KLHL1: variants seen among roughly 807,000 people sequenced by gnomAD.
KLHL1 encodes kelch-like protein 1.
KLHL1 carries 47 observed loss-of-function variants against 77.7 expected under a neutral mutation model. That is an observed-to-expected ratio of 0.60 (90% CI 0.48 to 0.77). The LOEUF (loss-of-function observed/expected upper bound fraction) is 0.77. Ranked by LOEUF, KLHL1 falls within the 30% of genes least tolerant of loss-of-function variation. The probability of loss-of-function intolerance (pLI) is 0.00; values close to 1 mark genes in which losing one functional copy is unlikely to be tolerated. For synonymous variants in KLHL1, 360 were observed against 325.2 expected, an observed-to-expected ratio of 1.11 and a Z score of -1.15; for missense variants, 925 against 910.8, an observed-to-expected ratio of 1.02 and a Z score of -0.20.
At chr13:69,882,545 C>G (rs748036963) in intron 4 of KLHL1, 50 bp from the exon 5 acceptor site, 2 of 1,275,198 alleles carry the variant, frequency 1.6e-6, no homozygotes, top group Admixed American at 3.6e-5. Context: ...TTTTATTTAG[C>G]TAGTAAAGCA....
At chr13:69,908,872 G>T (rs1427549318) in intron 4 of KLHL1, among the ~76,000 whole-genome samples, 2 of 150,528 alleles carry the variant, frequency 1.3e-5, no homozygotes, top group Non-Finnish European at 3.0e-5. Context: ...AGTGTTAAAA[G>T]AGTGTTTTTC....
At chr13:69,840,698 A>ATATATGTATG (rs976775077) in intron 5 of KLHL1, among the ~76,000 whole-genome samples, 1,605 of 146,316 alleles carry the variant, frequency 0.011, 37 homozygotes, top group African/African-American at 0.035. Flanking sequence ...ATATATATAT[A>ATATATGTATG]TATGTATGTA....
At chr13:69,947,975 T>A (rs1883582810) in intron 3 of KLHL1, among the ~76,000 whole-genome samples, 1 of 152,140 alleles carries the variant, frequency 6.6e-6, no homozygotes, top group African/African-American at 2.4e-5. Flanking sequence ...AGGGAAAACC[T>A]ACATGTTTTT....
chr13:69,797,538 C>A (rs1650158500), intron 6 of KLHL1, among the ~76,000 whole-genome samples: 1 of 151,688 alleles, frequency 6.6e-6, no homozygotes, highest in South Asian at 2.1e-4. Context: ...GAGCTTAGGC[C>A]AGGCGCAATG....
Position 69,917,786 on chromosome 13 carries a change from C to T in KLHL1, c.1014+22254G>A, listed in dbSNP as rs17085645. On this transcript the variant is annotated intron_variant, in intron 4 of 10. Coordinates refer to ENST00000377844, the MANE Select transcript of KLHL1 (RefSeq NM_020866.3). ...AATTTTGGTATCACATAACATTCCACGTATCTTTTGAAGTCAGTAAATTCT... is the reference window on the plus strand; with the variant it reads ...AATTTTGGTATCACATAACATTCCATGTATCTTTTGAAGTCAGTAAATTCT... 6.8e-3 allele frequency among the ~76,000 whole-genome samples: 1,039 copies of T among 152,120 alleles called. 16 individuals carry two copies. Among genetic ancestry groups the T allele is most frequent in the African/African-American group, 0.023 (973 of 41,516 alleles).
At chr13:69,730,768 T>A (rs1873508201) in intron 8 of KLHL1, among the ~76,000 whole-genome samples, 1 of 152,136 alleles carries the variant, frequency 6.6e-6, no homozygotes, top group African/African-American at 2.4e-5. Context: ...TTTGTAGAGA[T>A]GGGGTCTCAC....
chr13:70,047,761 T>C (rs1287670783), intron 1 of KLHL1, among the ~76,000 whole-genome samples: 4 of 152,206 alleles, frequency 2.6e-5, no homozygotes. Context: ...CCTCCTTCCT[T>C]GCGTGTTTGC....
In KLHL1 at chr13:69,904,532, C is replaced by A. The variant is rs75966962; in HGVS notation, c.1015-22037G>T. On this transcript the variant is annotated intron_variant, in intron 4 of 10. Coordinates refer to ENST00000377844, the MANE Select transcript of KLHL1 (RefSeq NM_020866.3). ...TCTTTATGCATCTTATTCCCATTAGCCCTGGTACTATATAAAGATACAACT... is the reference window on the plus strand; with the variant it reads ...TCTTTATGCATCTTATTCCCATTAGACCTGGTACTATATAAAGATACAACT... Among the ~76,000 whole-genome samples the A allele has an allele frequency of 5.3e-5, 8 of 152,178 alleles. No individual in the cohort carries two copies. The East Asian group carries it at 1.5e-3, about 29-fold the overall frequency.
intron 7 of KLHL1, among the ~76,000 whole-genome samples, chr13:69,762,582 C>T (rs1875080665): frequency 1.3e-5 from 2 of 150,906 alleles, no homozygotes; most frequent in African/African-American, 4.9e-5. Context: ...ATCTTAGGCT[C>T]ATAATCTCAC....
intron 1 of KLHL1, among the ~76,000 whole-genome samples, chr13:70,042,468 T>G (rs746277491): frequency 6.6e-6 from 1 of 152,114 alleles, no homozygotes; most frequent in African/African-American, 2.4e-5. Context: ...CTCATAAGAT[T>G]ATAATGGAGC....
At chr13:69,846,857 A>G (rs1879482599) in intron 5 of KLHL1, among the ~76,000 whole-genome samples, 1 of 23,682 alleles carries the variant, frequency 4.2e-5, no homozygotes, top group Admixed American at 4.9e-4. Flanking sequence ...GTTTGTAATA[A>G]TACATAAATT....
In KLHL1 at chr13:69,796,896, C is replaced by G; in HGVS notation, c.1481G>C (p.Gly494Ala). The change falls in exon 7 of 11, where the codon GGC (glycine) becomes GCC (alanine). Residue 494 changes from glycine to alanine, a missense_variant. Coordinates refer to ENST00000377844, the MANE Select transcript of KLHL1 (RefSeq NM_020866.3). ...NLWIQAGMMN[G>A]RRLQFGVAVI... ...AGCCACACCAAACTGCAGCCTTCTG[C>G]CATTCATCATCCCTGCCTGGATCCA... The G allele has an allele frequency of 6.2e-7, 1 of 1,614,124 alleles. No homozygotes were observed. The highest frequency in any genetic ancestry group is 8.5e-7 in the Non-Finnish European group (1 of 1,180,006).
At position 69,831,005 on chromosome 13, in the gene KLHL1, CACAA is replaced by C. The variant is rs1293446522; in HGVS notation, c.1414+7967_1414+7970del. 8.1e-5 allele frequency among the ~76,000 whole-genome samples: 12 copies of C among 148,450 alleles called. 2 individuals are homozygous for C. Among genetic ancestry groups the C allele is most frequent in the African/African-American group, 3.0e-4 (12 of 39,408 alleles). Reference sequence around the variant, plus strand: ...TGCCTACATCAAAAAGTCTAAAGAGCACAAACAGACAATCAAAGATCACACTTCA... The same window carrying C: ...TGCCTACATCAAAAAGTCTAAAGAGCACAGACAATCAAAGATCACACTTCA... On this transcript the variant is annotated intron_variant, in intron 6 of 10. Transcript: ENST00000377844.
rs369485462 is a variant in KLHL1 at position 69,949,972 on chromosome 13, C to T, written c.818-9736G>A. On this transcript the variant is annotated intron_variant, in intron 3 of 10. Transcript: ENST00000377844. ...ATCCTAGTTGTCTTCTAAAAATTAC[C>T]GCAAAATGATTTTAGAAAACAGAAT... Among the ~76,000 whole-genome samples the T allele has an allele frequency of 1.1e-4, 17 of 151,688 alleles. 1 individual carries two copies. The South Asian group carries it at 3.1e-3, about 28-fold the overall frequency.
intron 5 of KLHL1, among the ~76,000 whole-genome samples, chr13:69,863,827 CA>C (rs1464200618): frequency 2.6e-5 from 4 of 151,984 alleles, no homozygotes; most frequent in Admixed American, 1.3e-4. Flanking sequence ...ACTTAACTGT[CA>C]GTAATAATTC....
At chr13:70,066,246 A>G (rs1019131014) in intron 1 of KLHL1, among the ~76,000 whole-genome samples, 3 of 152,202 alleles carry the variant, frequency 2.0e-5, no homozygotes, top group African/African-American at 7.2e-5. Flanking sequence ...AAGCATATTA[A>G]GCAAGGGTAA....
chr13:69,719,707 G>C, intron 8 of KLHL1, 126 bp from the exon 9 acceptor site: 1 of 669,336 alleles, frequency 1.5e-6, no homozygotes, highest in South Asian at 2.1e-5. Context: ...TTACTTTGCA[G>C]GGAGATTTTG....
chr13:69,770,327 G>A (rs975801702), intron 7 of KLHL1, among the ~76,000 whole-genome samples: 2 of 152,184 alleles, frequency 1.3e-5, no homozygotes, highest in Non-Finnish European at 1.5e-5. Flanking sequence ...AGAGTGAGCT[G>A]AGCAGGCATG....
At chr13:69,731,160 T>G (rs1873528663) in intron 8 of KLHL1, among the ~76,000 whole-genome samples, 3 of 152,164 alleles carry the variant, frequency 2.0e-5, no homozygotes, top group Admixed American at 2.0e-4. Context: ...ATATACATTT[T>G]CTATTGAGTA....
Sources: gnomAD v4.1 joint callset for allele counts (sites outside exome capture counted in the v4.1 genomes callset) on GRCh38, gnomAD v4.1.1 for gene constraint, MANE v1.5 for transcripts, NCBI Gene and HGNC (gene_info 2026-07-23, HGNC 2026-07-21) for gene names.